Variants in TET1 observed in about 807,000 individuals in gnomAD.
TET1 encodes the protein tet methylcytosine dioxygenase 1.
TET1 carries 13 observed loss-of-function variants against 148.7 expected under a neutral mutation model. The observed-to-expected ratio is 0.09, with a 90% confidence interval of 0.06 to 0.14. TET1 has a LOEUF of 0.14. Ranked by LOEUF, TET1 falls within the 10% of genes least tolerant of loss-of-function variation. The pLI is 1.00. For synonymous variants in TET1, 907 were observed against 937.2 expected (o/e 0.97, Z 0.59); for missense variants, 2,182 against 2,553.8 (o/e 0.85, Z 3.14).
chr10:68,636,604 A>T (rs1295472007), intron 3 of TET1, among the ~76,000 whole-genome samples: 1 of 152,146 alleles, frequency 6.6e-6, no homozygotes, highest in East Asian at 1.9e-4. Context: ...AGCCTGAGAG[A>T]TCGAGACTGT....
At chr10:68,672,836 TTCTC>T in intron 7 of TET1, 55 bp from the exon 8 acceptor site, 1 of 1,483,268 alleles carries the variant, frequency 6.7e-7, no homozygotes. Context: ...ACCTGAAATG[TTCTC>T]TCTGAGGTAT....
chr10:68,607,467 C>G (rs188095570), intron 3 of TET1, among the ~76,000 whole-genome samples: 6 of 150,958 alleles, frequency 4.0e-5, no homozygotes, highest in African/African-American at 1.2e-4. Context: ...AGGTCTCACT[C>G]TGTTGCCCAG....
At chr10:68,653,693 G>A (rs2054973649) in intron 6 of TET1, among the ~76,000 whole-genome samples, 1 of 152,128 alleles carries the variant, frequency 6.6e-6, no homozygotes, top group Non-Finnish European at 1.5e-5. Context: ...TTTCTCTTGT[G>A]TATCCTCTAA....
chr10:68,672,729 CT>C (rs2055292895), intron 7 of TET1, among the ~76,000 whole-genome samples, 165 bp from the exon 8 acceptor site: 1 of 151,924 alleles, frequency 6.6e-6, no homozygotes. Flanking sequence ...CAAAAGTTAG[CT>C]TTTTATTGTT....
chr10:68,672,905 A>G lies in TET1; in HGVS notation c.4684A>G (p.Thr1562Ala). The change falls in exon 8 of 12, where the codon ACA (threonine) becomes GCA (alanine). Residue 1562 changes from threonine to alanine, a missense_variant. By Grantham distance (58) the Thr-to-Ala change is moderately conservative. Coordinates refer to ENST00000373644, the MANE Select transcript of TET1 (RefSeq NM_030625.3). The stretch of plus-strand genomic sequence containing the variant: ...ATTACAATCTTACAGTCGTACCTGT[A>G]CATGTCAAGGAATTGATCCAGAGAC... Reference protein sequence around the residue: ...RCTLNENRTCTCQGIDPETCG... With the variant: ...RCTLNENRTCACQGIDPETCG... 1 of 1,610,294 alleles carries G rather than the reference A, an allele frequency of 6.2e-7. No homozygotes were observed. Among genetic ancestry groups the G allele is most frequent in the South Asian group, 1.1e-5 (1 of 90,580 alleles).
At position 68,560,373 on chromosome 10, in the gene TET1, C is replaced by T. The variant is rs1027387742; in HGVS notation, c.-492C>T. Among the ~76,000 whole-genome samples the T allele has an allele frequency of 7.2e-5, 11 of 152,360 alleles. No individual in the cohort carries two copies. The highest frequency in any genetic ancestry group is 3.4e-3 in the Middle Eastern group (1 of 294). ...TCTGTCCTGGGGAGACACTGCTGCT[C>T]CGGGGGGCTGACCTGGCGGGGAGTG... On this transcript the variant is annotated 5_prime_UTR_variant, in exon 1 of 12. Transcript: ENST00000373644.
chr10:68,669,191 G>A (rs2055234469), intron 7 of TET1, among the ~76,000 whole-genome samples: 1 of 151,980 alleles, frequency 6.6e-6, no homozygotes, highest in Admixed American at 6.6e-5. Flanking sequence ...GTTACAGTGA[G>A]CTCTGATTTT....
intron 8 of TET1, among the ~76,000 whole-genome samples, chr10:68,676,248 ATATATATATATATATATATATTTTTTTTT>A (rs2055350750): frequency 2.4e-4 from 5 of 20,768 alleles, no homozygotes; most frequent in Admixed American, 7.1e-4. Context: ...ATATATATAT[ATATATATATATATATATATATTTTTTTTT>A]TTTTTTTTTT....
intron 3 of TET1, chr10:68,632,866 A>C: frequency 8.9e-6 from 7 of 786,568 alleles, no homozygotes; most frequent in Admixed American, 3.0e-5. Flanking sequence ...AGAAAACAAA[A>C]TTGTCTTAAG....
At chr10:68,639,920 A>T (rs999735977) in intron 3 of TET1, among the ~76,000 whole-genome samples, 22 of 151,916 alleles carry the variant, frequency 1.4e-4, no homozygotes, top group Non-Finnish European at 2.8e-4. Flanking sequence ...TATTAGTGTT[A>T]AACACTAGTA....
chr10:68,686,190 G>A (rs543020307), intron 10 of TET1, among the ~76,000 whole-genome samples, 166 bp from the exon 11 acceptor site: 1 of 152,288 alleles, frequency 6.6e-6, no homozygotes, highest in South Asian at 2.1e-4. Flanking sequence ...ATTGAACAGA[G>A]TTGGGTGGCT....
At chr10:68,577,577 G>A (rs149561098) in intron 2 of TET1, among the ~76,000 whole-genome samples, 15 of 152,144 alleles carry the variant, frequency 9.9e-5, no homozygotes, top group African/African-American at 3.6e-4. Context: ...GGAGGCCAAG[G>A]CAGGCAGATC....
chr10:68,587,028 A>AT (rs1225818950), intron 2 of TET1, among the ~76,000 whole-genome samples: 7 of 152,102 alleles, frequency 4.6e-5, no homozygotes, highest in Non-Finnish European at 8.8e-5. Context: ...CTGCAAAAGC[A>AT]TTTTTCCTGC....
intron 8 of TET1, among the ~76,000 whole-genome samples, chr10:68,678,241 G>A (rs923684598): frequency 6.6e-6 from 1 of 152,210 alleles, no homozygotes; most frequent in Admixed American, 6.5e-5. Flanking sequence ...ATATGGGGTG[G>A]GGGGTTCATC....
rs771101230 is a variant in TET1 at position 68,646,241 on chromosome 10, A to G, written c.3512A>G (p.Asn1171Ser). Reference protein sequence around the residue: ...KKPTVVSYQENDRQKWEKLSY... With the variant: ...KKPTVVSYQESDRQKWEKLSY... Reference sequence around the variant, plus strand: ...CCCACAGTTGTAAGTTATCAAGAAAATGATCGGCAGAAGTGGGAAAAGTTG... The same window carrying G: ...CCCACAGTTGTAAGTTATCAAGAAAGTGATCGGCAGAAGTGGGAAAAGTTG... Residue 1171 changes from asparagine to serine, a missense_variant, in exon 4 of 12, where the codon AAT (asparagine) becomes AGT (serine). By Grantham distance (46) the Asn-to-Ser change is conservative. Transcript: ENST00000373644. 4 of 1,614,096 alleles carry G rather than the reference A, an allele frequency of 2.5e-6. No individual in the cohort carries two copies. In the African/African-American group the frequency reaches 4.0e-5, roughly 16 times the overall value.
rs746265860 is a variant in TET1, at chr10:68,645,903, G to C, written c.3174G>C (p.Leu1058Phe). 2 of 1,613,532 alleles carry C rather than the reference G, an allele frequency of 1.2e-6. No homozygotes were observed. The highest frequency in any genetic ancestry group is 8.5e-7 in the Non-Finnish European group (1 of 1,179,926). The change falls in exon 4 of 12, where the codon TTG (leucine) becomes TTC (phenylalanine). Residue 1058 changes from leucine to phenylalanine, a missense_variant. By Grantham distance (22) the Leu-to-Phe change is conservative (BLOSUM62 0). Coordinates refer to ENST00000373644, the MANE Select transcript of TET1 (RefSeq NM_030625.3). ...AGTTACTGGACAGCAGCAAAAAATT[G>C]GACTCAGATGATCTATCATGTCAGG... is the stretch of plus-strand genomic sequence containing the variant. ...CNQLLDSSKK[L>F]DSDDLSCQDA...
intron 6 of TET1, among the ~76,000 whole-genome samples, chr10:68,659,164 T>G (rs942760239): frequency 6.6e-6 from 1 of 152,174 alleles, no homozygotes; most frequent in Non-Finnish European, 1.5e-5. Flanking sequence ...CTTCCCCTCT[T>G]GAGCTTCTGG....
In TET1 at chr10:68,691,067, CAGT is replaced by C. The variant is rs1448785711; in HGVS notation, c.5665_5667del (p.Ser1889del). 1.2e-6 allele frequency: 2 copies of C among 1,614,102 alleles called. No homozygotes were observed. Among genetic ancestry groups the C allele is most frequent in the Non-Finnish European group, 1.7e-6 (2 of 1,180,050 alleles). On this transcript the variant is annotated inframe_deletion, in exon 12 of 12. Transcript: ENST00000373644. This position sits in a 1 kb window ranked among gnomAD's most constrained non-coding sequence, Gnocchi z 4.4. ...ACTGTACGATGCCTTCGGGAAGACT[CAGT>C]GGTGCCAATGCAGCTGCTGCTGATG...
At position 68,669,488 on chromosome 10, in the gene TET1, TTTTTGTA is replaced by T. The variant is rs2055241649; in HGVS notation, c.4673+2237_4673+2243del. Among the ~76,000 whole-genome samples, 14 of 142,880 alleles carry T rather than the reference TTTTTGTA, an allele frequency of 9.8e-5. No homozygotes were observed. In the South Asian group the frequency reaches 2.9e-3, roughly 30 times the overall value. The allele number at this position is 142,880 out of a possible 152,430, so 93.7% of individuals were successfully genotyped here. On this transcript the variant is annotated intron_variant, in intron 7 of 11. Coordinates refer to ENST00000373644, the MANE Select transcript of TET1 (RefSeq NM_030625.3). ...ACCATGCCCAGCTTTTTTTTTTTTT[TTTTTGTA>T]TTTTTTTGTATTTTTTGGGGGGGTT...
Sources: allele counts gnomAD v4.1 joint callset (sites outside exome capture counted in the v4.1 genomes callset), GRCh38; gene constraint gnomAD v4.1.1; non-coding constraint Gnocchi (gnomAD v3.1); transcripts MANE v1.5; gene names NCBI Gene and HGNC (gene_info 2026-07-23, HGNC 2026-07-21).